Variants in NMT1 observed in about 807,000 individuals in gnomAD.
The protein encoded by NMT1 is glycylpeptide N-tetradecanoyltransferase 1.
NMT1 carries 12 observed loss-of-function variants against 63.4 expected under a neutral mutation model. The ratio of observed to expected loss-of-function variants is 0.19; its 90% CI spans 0.12 to 0.31. NMT1 has a LOEUF of 0.31. NMT1 is among the 10% of genes least tolerant of loss of function. The pLI is 1.00. For missense variants in NMT1, 432 were observed against 634.6 expected, an observed-to-expected ratio of 0.68 and a Z score of 3.43; for synonymous variants, 228 against 234.3, an observed-to-expected ratio of 0.97 and a Z score of 0.25.
chr17:45,097,515 T>C (rs1420096932), intron 6 of NMT1, among the ~76,000 whole-genome samples: 1 of 152,006 alleles, frequency 6.6e-6, no homozygotes, highest in African/African-American at 2.4e-5. Context: ...TTTTTGTTTT[T>C]GTTTATTATT....
intron 1 of NMT1, among the ~76,000 whole-genome samples, chr17:45,064,979 G>T (rs1045800435): frequency 6.6e-6 from 1 of 152,052 alleles, no homozygotes; most frequent in Non-Finnish European, 1.5e-5. Flanking sequence ...TAACCTCCCA[G>T]CTTGCCCCTC....
chr17:45,096,278 C>A lies in NMT1; in HGVS notation c.589C>A (p.Leu197Ile). ...MFRFDYSPEF[L>I]LWALRPPGWL... ...CCGATTTGATTATTCCCCGGAGTTT[C>A]TTTTGTGGTAAGTTGTGGGGGCTTT... is the stretch of plus-strand genomic sequence containing the variant. The change falls in exon 5 of 12, where the codon CTT (leucine) becomes ATT (isoleucine). Residue 197 changes from leucine (L) to isoleucine (I), a missense_variant. Transcript: ENST00000258960. The A allele has an allele frequency of 6.2e-7, 1 of 1,613,628 alleles. No individual in the cohort carries two copies. Among genetic ancestry groups the A allele is most frequent in the Non-Finnish European group, 8.5e-7 (1 of 1,179,544 alleles).
intron 2 of NMT1, among the ~76,000 whole-genome samples, chr17:45,082,453 A>G (rs2054022853): frequency 6.6e-6 from 1 of 151,994 alleles, no homozygotes; most frequent in Non-Finnish European, 1.5e-5. Flanking sequence ...ATTTGCAAAC[A>G]TTCTCTTAAT....
In NMT1 at chr17:45,097,264, C is replaced by A; in HGVS notation, c.713+20C>A. ...TGACACGTAAGCACCTGCACCTACCCCCACCCCCCACAACACCGCCATCCT... is the reference window on the plus strand; with the variant it reads ...TGACACGTAAGCACCTGCACCTACCACCACCCCCCACAACACCGCCATCCT... On this transcript the variant is annotated intron_variant, in intron 6 of 11. Transcript: ENST00000258960. 1 of 1,535,546 alleles carries A rather than the reference C, an allele frequency of 6.5e-7. No homozygotes were observed. Among genetic ancestry groups the A allele is most frequent in the Non-Finnish European group, 9.0e-7 (1 of 1,108,556 alleles).
At chr17:45,094,453 A>G (rs1320083920) in intron 4 of NMT1, among the ~76,000 whole-genome samples, 1 of 149,820 alleles carries the variant, frequency 6.7e-6, no homozygotes, top group Non-Finnish European at 1.5e-5. Context: ...AGATCTCACC[A>G]TTGCACTCCA....
Position 45,093,713 on chromosome 17 carries a change from G to C in NMT1, c.414G>C (p.Val138=). The C allele has an allele frequency of 6.2e-7, 1 of 1,614,234 alleles. No individual in the cohort carries two copies. Among genetic ancestry groups the C allele is most frequent in the Non-Finnish European group, 8.5e-7 (1 of 1,180,032 alleles). Reference sequence around the variant, plus strand: ...AAGTGGTGAACACCCATGGCCCCGTGGAGCCTGACAAGGACAATATCCGCC... The same window carrying C: ...AAGTGGTGAACACCCATGGCCCCGTCGAGCCTGACAAGGACAATATCCGCC... The part of the protein sequence containing the change: ...LGEVVNTHGP[V]EPDKDNIRQE... Residue 138 remains valine (V), a synonymous_variant, in exon 4 of 12, where the codon GTG becomes GTC. Coordinates refer to ENST00000258960, the MANE Select transcript of NMT1 (RefSeq NM_021079.5).
chr17:45,104,232 A>G lies in NMT1; in HGVS notation c.1332+356A>G. The G allele has an allele frequency of 1.6e-6, 2 of 1,213,942 alleles. No homozygotes were observed. The highest frequency in any genetic ancestry group is 2.1e-6 in the Non-Finnish European group (2 of 960,512). 75.2% of individuals were successfully genotyped at this position (1,213,942 alleles called of 1,614,324 possible). A position where few individuals can be genotyped will look rare whatever the true frequency, so the allele number is the denominator to read the frequency against. ...TGATTGCTGTCTGTCGTGGTGAGTC[A>G]TTGGAGCATCCAACTGCCAGTAGCG... On this transcript the variant is annotated intron_variant, in intron 10 of 11. Coordinates refer to ENST00000258960, the MANE Select transcript of NMT1 (RefSeq NM_021079.5). The surrounding 1 kb of genome is among the most constrained non-coding windows in gnomAD (Gnocchi z 4.2).
intron 6 of NMT1, among the ~76,000 whole-genome samples, 189 bp downstream of exon 6, chr17:45,097,433 G>C (rs1004374818): frequency 1.3e-5 from 2 of 152,110 alleles, no homozygotes; most frequent in African/African-American, 4.8e-5. Flanking sequence ...GTCCCAGCCA[G>C]CTCCCTTGTT....
chr17:45,073,348 G>A (rs2053955468), intron 1 of NMT1, among the ~76,000 whole-genome samples: 1 of 151,916 alleles, frequency 6.6e-6, no homozygotes, highest in Non-Finnish European at 1.5e-5. Flanking sequence ...AACCCAGGAG[G>A]CGGAGGTTGC....
Position 45,081,646 on chromosome 17 carries a change from G to A in NMT1, c.134G>A (p.Gly45Asp), listed in dbSNP as rs752810524. ...NEEDNSYNRG[G>D]LSPANDTGAK... is the part of the protein sequence containing the mutation. ...TTAGTATTTACTTTTTGTTACAGTG[G>A]TTTGAGTCCAGCCAATGACACTGGA... is the stretch of plus-strand genomic sequence containing the variant. Residue 45 changes from glycine (G) to aspartate (D), a missense_variant and splice_region_variant, in exon 2 of 12, where the codon GGT (glycine) becomes GAT (aspartate). Gly to Asp is a moderately conservative substitution (Grantham distance 94). Coordinates refer to ENST00000258960, the MANE Select transcript of NMT1 (RefSeq NM_021079.5). The A allele has an allele frequency of 1.2e-6, 2 of 1,610,992 alleles. No individual in the cohort carries two copies. Among genetic ancestry groups the A allele is most frequent in the Admixed American group, 1.7e-5 (1 of 59,096 alleles).
chr17:45,077,587 T>C (rs1429967488), intron 1 of NMT1, among the ~76,000 whole-genome samples: 3 of 152,120 alleles, frequency 2.0e-5, no homozygotes, highest in Non-Finnish European at 4.4e-5. Flanking sequence ...ACAGGGTTTC[T>C]CCTTATTGGT....
chr17:45,083,201 C>T (rs893533038), intron 2 of NMT1, among the ~76,000 whole-genome samples: 11 of 151,770 alleles, frequency 7.2e-5, no homozygotes, highest in African/African-American at 2.4e-4. Context: ...CACCTGTAAT[C>T]TCAGCTACTC....
At chr17:45,092,080 G>A (rs548205801) in intron 3 of NMT1, among the ~76,000 whole-genome samples, 1 of 152,258 alleles carries the variant, frequency 6.6e-6, no homozygotes, top group East Asian at 1.9e-4. Context: ...AAGCAAACCT[G>A]TTGGGAAGCC....
Position 45,104,449 on chromosome 17 carries a change from C to A in NMT1, c.1333-410C>A. The A allele has an allele frequency of 9.1e-7, 1 of 1,093,218 alleles. No homozygotes were observed. Among genetic ancestry groups the A allele is most frequent in the African/African-American group, 1.6e-5 (1 of 61,372 alleles). 67.7% of individuals were successfully genotyped at this position (1,093,218 alleles called of 1,614,324 possible). On this transcript the variant is annotated intron_variant, in intron 10 of 11. Transcript: ENST00000258960. This position sits in a 1 kb window ranked among gnomAD's most constrained non-coding sequence, Gnocchi z 4.2. Reference sequence around the variant, plus strand: ...ATACAACATGAGGTGCACTGAGGGCCTGAGAGTTGGGGCATCCATGGAGTA... The same window carrying A: ...ATACAACATGAGGTGCACTGAGGGCATGAGAGTTGGGGCATCCATGGAGTA...
At chr17:45,064,802 G>A (rs62065836) in intron 1 of NMT1, among the ~76,000 whole-genome samples, 6 of 152,100 alleles carry the variant, frequency 3.9e-5, no homozygotes, top group Non-Finnish European at 8.8e-5. Flanking sequence ...CAGCCTGGGC[G>A]ACAGAGCAAG....
rs2054214357 is a variant in NMT1, at chr17:45,108,042, AG to A, written c.*2406del. On this transcript the variant is annotated 3_prime_UTR_variant, in exon 12 of 12. Coordinates refer to ENST00000258960, the MANE Select transcript of NMT1 (RefSeq NM_021079.5). ...CTCAGAGAGCACCATCCCGGGGGTC[AG>A]GGCCTCCCCACAGGAGCCCTGCAGT... 1 of 152,280 alleles carries A rather than the reference AG, an allele frequency of 6.6e-6. No individual in the cohort carries two copies. 9.4% of individuals were successfully genotyped at this position (152,280 alleles called of 1,614,324 possible).
intron 3 of NMT1, among the ~76,000 whole-genome samples, chr17:45,089,053 A>G (rs1442708579): frequency 1.3e-5 from 2 of 152,220 alleles, no homozygotes; most frequent in Non-Finnish European, 2.9e-5. Flanking sequence ...TTTGAGGTCC[A>G]GGGTCAGTCA....
At chr17:45,099,634 G>T (rs1358582338) in intron 8 of NMT1, 121 bp downstream of exon 8, 1 of 682,518 alleles carries the variant, frequency 1.5e-6, no homozygotes, top group African/African-American at 1.8e-5. Context: ...AAGCGAACCA[G>T]CCCATAGTCT....
chr17:45,078,634 T>A (rs549384386), intron 1 of NMT1, among the ~76,000 whole-genome samples: 1 of 152,250 alleles, frequency 6.6e-6, no homozygotes, highest in Admixed American at 6.5e-5. Flanking sequence ...ATTGTTTTAA[T>A]TCTTGGGGGT....
Sources: allele counts gnomAD v4.1 joint callset (sites outside exome capture counted in the v4.1 genomes callset), GRCh38; gene constraint gnomAD v4.1.1; non-coding constraint Gnocchi (gnomAD v3.1); transcripts MANE v1.5; gene names NCBI Gene and HGNC (gene_info 2026-07-23, HGNC 2026-07-21).